TUBA1C: variants seen among roughly 807,000 people sequenced by gnomAD.
TUBA1C encodes the protein tubulin alpha-1C chain.
Under a neutral mutation model 34.9 loss-of-function variants are expected in TUBA1C, and 16 were observed. The ratio of observed to expected loss-of-function variants is 0.46; its 90% CI spans 0.31 to 0.70. TUBA1C has a LOEUF of 0.70. Among genes scored for constraint, TUBA1C ranks in the 30% least tolerant of loss-of-function variants. The pLI, the probability that TUBA1C is intolerant of heterozygous loss-of-function variation, is 0.05. For synonymous variants in TUBA1C, 177 were observed against 215.9 expected, an observed-to-expected ratio of 0.82 and a Z score of 1.58; for missense variants, 329 against 587.3, an observed-to-expected ratio of 0.56 and a Z score of 4.55.
intron 1 of TUBA1C, among the ~76,000 whole-genome samples, chr12:49,239,397 T>G (rs564784280): frequency 6.6e-6 from 1 of 152,118 alleles, no homozygotes; most frequent in African/African-American, 2.4e-5. Context: ...TCCCAGCACT[T>G]TGGGAGGCCG....
At chr12:49,269,801 C>T (rs779737581) in intron 2 of TUBA1C, 27 bp from the exon 3 acceptor site, 2 of 1,613,588 alleles carry the variant, frequency 1.2e-6, no homozygotes, top group South Asian at 2.2e-5. Context: ...CTTGTCCCTC[C>T]TCCTCCTCCC....
At chr12:49,259,924 G>A (rs546924785) in intron 1 of TUBA1C, among the ~76,000 whole-genome samples, 15 of 152,276 alleles carry the variant, frequency 9.9e-5, no homozygotes, top group African/African-American at 2.6e-4. Flanking sequence ...GAGATTCACA[G>A]TCCCTAAGCA....
chr12:49,246,670 A>G (rs1054677413), intron 1 of TUBA1C, among the ~76,000 whole-genome samples: 1 of 152,078 alleles, frequency 6.6e-6, no homozygotes, highest in African/African-American at 2.4e-5. Context: ...CCCGTCTCAA[A>G]AAAAAAAGAG....
upstream of TUBA1C, chr12:49,264,909 A>T: frequency 3.5e-6 from 1 of 287,000 alleles, no homozygotes; most frequent in Non-Finnish European, 6.2e-6. Context: ...TTTGGTTTGA[A>T]CTTTTGAATC....
At chr12:49,242,328 A>G (rs770234095) in intron 1 of TUBA1C, among the ~76,000 whole-genome samples, 2 of 152,122 alleles carry the variant, frequency 1.3e-5, no homozygotes, top group African/African-American at 4.8e-5. Context: ...TGGCATGAGG[A>G]AAAAAATGTG....
rs1404694207 is a variant in TUBA1C, at chr12:49,229,933, G to A, written c.213+1767G>A. Among the ~76,000 whole-genome samples the A allele has an allele frequency of 4.6e-5, 7 of 152,000 alleles. No homozygotes were observed. In the South Asian group the frequency reaches 6.2e-4, roughly 13 times the overall value. On this transcript the variant is annotated intron_variant, in intron 1 of 3. Transcript: ENST00000541364. ...CTCCCTAGTAGCTGGGACTATAGGC[G>A]TGTACCACCATACCTGGCTAATTTT...
At chr12:49,243,632 G>A (rs947361642) in intron 1 of TUBA1C, among the ~76,000 whole-genome samples, 2 of 152,038 alleles carry the variant, frequency 1.3e-5, no homozygotes, top group Non-Finnish European at 2.9e-5. Context: ...TTTATTTTGA[G>A]ACAGAGTCTT....
chr12:49,246,194 C>G (rs1243878361), intron 1 of TUBA1C, among the ~76,000 whole-genome samples: 1 of 144,522 alleles, frequency 6.9e-6, no homozygotes, highest in African/African-American at 2.5e-5. Flanking sequence ...GCGTGAGCCA[C>G]TGCATCTGGC....
At chr12:49,249,180 C>G (rs964845115) in intron 1 of TUBA1C, among the ~76,000 whole-genome samples, 1 of 152,014 alleles carries the variant, frequency 6.6e-6, no homozygotes, top group Non-Finnish European at 1.5e-5. Context: ...GTAATCCCAG[C>G]ACTTTGGGAG....
chr12:49,267,760 G>A (rs1422852322), intron 1 of TUBA1C, among the ~76,000 whole-genome samples: 1 of 152,170 alleles, frequency 6.6e-6, no homozygotes, highest in East Asian at 1.9e-4. Flanking sequence ...TTGCTGATGT[G>A]GTTAAGAGAC....
intron 3 of TUBA1C, among the ~76,000 whole-genome samples, chr12:49,271,178 C>G (rs750887953): frequency 6.6e-6 from 1 of 152,110 alleles, no homozygotes; most frequent in African/African-American, 2.4e-5. Flanking sequence ...AATTGGTAGG[C>G]GAGAGTCTGC....
At chr12:49,269,391 A>G in intron 1 of TUBA1C, 74 bp from the exon 2 acceptor site, 14 of 1,600,284 alleles carry the variant, frequency 8.7e-6, no homozygotes, top group Non-Finnish European at 1.2e-5. Flanking sequence ...TTAATCAGTC[A>G]TTAGGTGTGA....
chr12:49,255,083 C>T (rs1033796079), intron 1 of TUBA1C, among the ~76,000 whole-genome samples: 5 of 151,982 alleles, frequency 3.3e-5, no homozygotes, highest in Non-Finnish European at 7.4e-5. Flanking sequence ...CTGCACCTGA[C>T]CTCAGGCTGT....
intron 1 of TUBA1C, among the ~76,000 whole-genome samples, chr12:49,252,347 G>T (rs910219140): frequency 1.7e-4 from 26 of 152,014 alleles, no homozygotes; most frequent in African/African-American, 6.0e-4. Flanking sequence ...GCTTCCTTTA[G>T]TTAATAAAAC....
At chr12:49,252,720 A>G (rs1784097366) in intron 1 of TUBA1C, among the ~76,000 whole-genome samples, 1 of 152,136 alleles carries the variant, frequency 6.6e-6, no homozygotes, top group African/African-American at 2.4e-5. Flanking sequence ...GACCATCCTC[A>G]CTAACATGGT....
intron 1 of TUBA1C, among the ~76,000 whole-genome samples, chr12:49,244,470 C>T (rs991716789): frequency 6.6e-6 from 1 of 151,948 alleles, no homozygotes; most frequent in Non-Finnish European, 1.5e-5. Context: ...TCAAAATGTT[C>T]AAATGTCCAG....
At chr12:49,250,658 A>T (rs1565643173) in intron 1 of TUBA1C, among the ~76,000 whole-genome samples, 1 of 152,116 alleles carries the variant, frequency 6.6e-6, no homozygotes, top group Non-Finnish European at 1.5e-5. Flanking sequence ...CATGACTATG[A>T]TCCCAACACT....
At chr12:49,261,953 G>A (rs1446487337), upstream of TUBA1C, among the ~76,000 whole-genome samples, 1 of 152,134 alleles carries the variant, frequency 6.6e-6, no homozygotes. Flanking sequence ...GACTGAGGAA[G>A]CATGTTTTCT....
intron 1 of TUBA1C, among the ~76,000 whole-genome samples, chr12:49,253,797 T>C (rs1440479832): frequency 6.6e-6 from 1 of 152,174 alleles, no homozygotes; most frequent in South Asian, 2.1e-4. Flanking sequence ...CAAAGTGGCC[T>C]ATAATTTTAT....
Sources: allele counts gnomAD v4.1 joint callset (sites outside exome capture counted in the v4.1 genomes callset), GRCh38; gene constraint gnomAD v4.1.1; transcripts MANE v1.5; gene names NCBI Gene and HGNC (gene_info 2026-07-23, HGNC 2026-07-21).